Variants in QSOX2 observed in about 807,000 individuals in gnomAD.
The protein encoded by QSOX2 is quiescin sulfhydryl oxidase 2.
In QSOX2, 46 loss-of-function variants were observed where a neutral mutation model predicts 61.7. The observed-to-expected ratio is 0.75, with a 90% confidence interval of 0.59 to 0.95. The LOEUF is 0.95. Ranked by LOEUF, QSOX2 falls within the 40% of genes least tolerant of loss-of-function variation. The pLI is 0.00. For synonymous variants in QSOX2, 383 were observed against 388.4 expected (o/e 0.99, Z 0.16); for missense variants, 879 against 918.9 (o/e 0.96, Z 0.56).
rs980918805 is a variant in QSOX2, at chr9:136,207,225, C to G, written c.*1503G>C. On this transcript the variant is annotated 3_prime_UTR_variant, in exon 12 of 12. Coordinates refer to ENST00000358701, the MANE Select transcript of QSOX2 (RefSeq NM_181701.4). The stretch of plus-strand genomic sequence containing the variant: ...TCAGCTGTTGCCTTTTTTTCTCAAG[C>G]GACAACAATCACATCAATATTACAT... 1 of 152,162 alleles carries G rather than the reference C, an allele frequency of 6.6e-6. No homozygotes were observed. Among genetic ancestry groups the G allele is most frequent in the African/African-American group, 2.4e-5 (1 of 41,384 alleles). The allele number at this position is 152,162 out of a possible 1,614,324, so 9.4% of individuals were successfully genotyped here. A position where few individuals can be genotyped will look rare whatever the true frequency, so the allele number is the denominator to read the frequency against.
intron 11 of QSOX2, chr9:136,210,871 G>A (rs1319469766): frequency 1.8e-5 from 18 of 985,106 alleles, no homozygotes; most frequent in Non-Finnish European, 2.0e-5. Flanking sequence ...GAGAGGTTTG[G>A]TTTACGTTTG....
intron 1 of QSOX2, among the ~76,000 whole-genome samples, chr9:136,241,599 C>G (rs575962836): frequency 3.3e-4 from 51 of 152,320 alleles, no homozygotes; most frequent in African/African-American, 1.2e-3. Context: ...CTCCAGGTCA[C>G]CCACACCTGG....
intron 2 of QSOX2, among the ~76,000 whole-genome samples, chr9:136,226,156 C>T (rs1422006695): frequency 6.6e-6 from 1 of 152,250 alleles, no homozygotes; most frequent in Non-Finnish European, 1.5e-5. Context: ...ATTGACAAAG[C>T]TTCCCAGGAA....
Position 136,232,933 on chromosome 9 carries a change from A to G in QSOX2, c.329-6059T>C, listed in dbSNP as rs865923248. ...AACCTGTCTCAAAAAAAAAAAAAAA[A>G]AAAAAGAAAAAAGAAAAAAAAAGAA... On this transcript the variant is annotated intron_variant, in intron 1 of 11. Coordinates refer to ENST00000358701, the MANE Select transcript of QSOX2 (RefSeq NM_181701.4). Among the ~76,000 whole-genome samples, 12 of 149,194 alleles carry G rather than the reference A, an allele frequency of 8.0e-5. 1 individual carries two copies. The highest frequency in any genetic ancestry group is 1.2e-4 in the Non-Finnish European group (8 of 67,538).
chr9:136,215,282 T>C lies in QSOX2; in HGVS notation c.1232A>G (p.Asn411Ser). The C allele has an allele frequency of 6.2e-7, 1 of 1,613,390 alleles. No individual in the cohort carries two copies. The highest frequency in any genetic ancestry group is 8.5e-7 in the Non-Finnish European group (1 of 1,179,868). The change falls in exon 10 of 12, where the codon AAT (asparagine) becomes AGT (serine). Residue 411 changes from asparagine (N) to serine (S), a missense_variant. Coordinates refer to ENST00000358701, the MANE Select transcript of QSOX2 (RefSeq NM_181701.4). ...KMRISGIFLT[N>S]HIKWVGCQGS... ...TTGACATCCAACCCACTTTATGTGA[T>C]TAGTAAGGAATATTCCAGAAATCTG...
intron 1 of QSOX2, among the ~76,000 whole-genome samples, chr9:136,245,013 G>C (rs1358508820): frequency 6.6e-6 from 1 of 152,210 alleles, no homozygotes; most frequent in Admixed American, 6.5e-5. Context: ...GTGTGGAATA[G>C]GAATGAGGGA....
chr9:136,210,469 C>T (rs1831831348), intron 11 of QSOX2: 1 of 985,370 alleles, frequency 1.0e-6, no homozygotes, highest in Non-Finnish European at 1.2e-6. Flanking sequence ...GAGCCGAGGG[C>T]TCGGGGAAAG....
chr9:136,241,896 C>T lies in QSOX2; in HGVS notation c.328+3580G>A, dbSNP rs1193461552. 5.3e-5 allele frequency among the ~76,000 whole-genome samples: 8 copies of T among 152,362 alleles called. No individual in the cohort carries two copies. In the East Asian group the frequency reaches 5.8e-4, roughly 11 times the overall value. On this transcript the variant is annotated intron_variant, in intron 1 of 11. Transcript: ENST00000358701. ...GAACAGGCACCAGGGCCACAGAGGGCGCACGGGGACACAGGCCCTGCCTTT... is the reference window on the plus strand; with the variant it reads ...GAACAGGCACCAGGGCCACAGAGGGTGCACGGGGACACAGGCCCTGCCTTT...
chr9:136,211,405 C>T lies in QSOX2; in HGVS notation c.1408G>A (p.Val470Ile), dbSNP rs373864386. The change falls in exon 11 of 12, where the codon GTT becomes ATT. Residue 470 changes from valine to isoleucine, a missense_variant. Val to Ile is a conservative substitution (Grantham distance 29). Coordinates refer to ENST00000358701, the MANE Select transcript of QSOX2 (RefSeq NM_181701.4). ...TCCTTACACCCAAAGAAGGTGTGAACGTACCTCCTCATTGTCTGCAGCACA... is the reference window on the plus strand; with the variant it reads ...TCCTTACACCCAAAGAAGGTGTGAATGTACCTCCTCATTGTCTGCAGCACA... ...QAVLQTMRRYVHTFFGCKECG... is the reference protein window; with the variant it reads ...QAVLQTMRRYIHTFFGCKECG... 13 of 1,614,096 alleles carry T rather than the reference C, an allele frequency of 8.1e-6. No individual in the cohort carries two copies. The highest frequency in any genetic ancestry group is 6.7e-5 in the African/African-American group (5 of 74,940).
At position 136,215,140 on chromosome 9, in the gene QSOX2, T is replaced by G; in HGVS notation, c.1360+14A>C. 6.2e-7 allele frequency: 1 copy of G among 1,612,168 alleles called. No homozygotes were observed. Among genetic ancestry groups the G allele is most frequent in the Non-Finnish European group, 8.5e-7 (1 of 1,179,314 alleles). The stretch of plus-strand genomic sequence containing the variant: ...AGACCATCGGCCCCTCTGGCCTGTA[T>G]GGGCACAGCTTACCTGTGCCAACCA... On this transcript the variant is annotated intron_variant, in intron 10 of 11. Transcript: ENST00000358701.
Position 136,211,370 on chromosome 9 carries a change from C to T in QSOX2, c.1443G>A (p.Glu481=). Residue 481 remains glutamate (E), a synonymous_variant, in exon 11 of 12, where the codon GAG becomes GAA. Transcript: ENST00000358701. Reference sequence around the variant, plus strand: ...ATTCTTTAGCCATTTCCTCAAAGTGCTCACCACATTCCTTACACCCAAAGA... The same window carrying T: ...ATTCTTTAGCCATTTCCTCAAAGTGTTCACCACATTCCTTACACCCAAAGA... ...HTFFGCKECG[E]HFEEMAKESM... is the part of the protein sequence containing the mutation. 1 of 1,614,226 alleles carries T rather than the reference C, an allele frequency of 6.2e-7. No homozygotes were observed. Among genetic ancestry groups the T allele is most frequent in the Non-Finnish European group, 8.5e-7 (1 of 1,180,034 alleles).
chr9:136,218,897 A>G, intron 7 of QSOX2, 89 bp from the exon 8 acceptor site: 1 of 1,574,262 alleles, frequency 6.4e-7, no homozygotes. Flanking sequence ...ACGGACTCCC[A>G]GGGCCCCTGG....
At chr9:136,232,767 C>T (rs1830342545) in intron 1 of QSOX2, among the ~76,000 whole-genome samples, 1 of 151,742 alleles carries the variant, frequency 6.6e-6, no homozygotes, top group Non-Finnish European at 1.5e-5. Flanking sequence ...GTCCCTGTCT[C>T]TGCAAAAAAT....
At position 136,209,859 on chromosome 9, in the gene QSOX2, C is replaced by T. The variant is rs1281571672; in HGVS notation, c.1550-584G>A. 16 of 985,412 alleles carry T rather than the reference C, an allele frequency of 1.6e-5. No individual in the cohort carries two copies. Among genetic ancestry groups the T allele is most frequent in the Non-Finnish European group, 1.9e-5 (16 of 829,924 alleles). The allele number at this position is 985,412 out of a possible 1,614,324, so 61.0% of individuals were successfully genotyped here. ...ACAAATCCCTTCAAGATCTCCAAAA[C>T]TCGTTTCTGAAGTGACATGTGCTCA... On this transcript the variant is annotated intron_variant, in intron 11 of 11. Coordinates refer to ENST00000358701, the MANE Select transcript of QSOX2 (RefSeq NM_181701.4). This position sits in a 1 kb window ranked among gnomAD's most constrained non-coding sequence, Gnocchi z 5.6.
intron 10 of QSOX2, 34 bp from the exon 11 acceptor site, chr9:136,211,486 G>A (rs1831845271): frequency 1.9e-6 from 3 of 1,605,322 alleles, no homozygotes; most frequent in Non-Finnish European, 2.6e-6. Context: ...ACAACGGCAG[G>A]TGCGTGGGCA....
In QSOX2 at chr9:136,231,868, GC is replaced by G. The variant is rs372401335; in HGVS notation, c.329-4995del. 6.7e-3 allele frequency among the ~76,000 whole-genome samples: 1,015 copies of G among 151,300 alleles called. 17 individuals carry two copies. Among genetic ancestry groups the G allele is most frequent in the African/African-American group, 0.023 (956 of 40,976 alleles). On this transcript the variant is annotated intron_variant, in intron 1 of 11. Coordinates refer to ENST00000358701, the MANE Select transcript of QSOX2 (RefSeq NM_181701.4). ...AGAGGGAGAGCGAGCCTCAGGGCCG[GC>G]AATCCGCCCCCTCCACCCCCTCCAC... is the stretch of plus-strand genomic sequence containing the variant.
chr9:136,219,918 T>C (rs1485105710), intron 6 of QSOX2, among the ~76,000 whole-genome samples: 3 of 152,262 alleles, frequency 2.0e-5, no homozygotes, highest in African/African-American at 7.2e-5. Flanking sequence ...GCCCCAGGCC[T>C]GGAATGGGCC....
chr9:136,207,071 C>A lies in QSOX2; in HGVS notation c.*1657G>T, dbSNP rs1448105069. ...TTAAAAAGTGTGAAACCAGAAGCAA[C>A]TCTCGAGTGAGACACGAAGCAGCAG... On this transcript the variant is annotated 3_prime_UTR_variant, in exon 12 of 12. Transcript: ENST00000358701. The A allele has an allele frequency of 1.3e-5, 2 of 152,374 alleles. No homozygotes were observed. Among genetic ancestry groups the A allele is most frequent in the East Asian group, 3.7e-4 (2 of 5,340 alleles). The allele number at this position is 152,374 out of a possible 1,614,324, so 9.4% of individuals were successfully genotyped here.
intron 1 of QSOX2, among the ~76,000 whole-genome samples, chr9:136,239,882 G>T (rs1003943382): frequency 6.6e-6 from 1 of 152,240 alleles, no homozygotes; most frequent in East Asian, 1.9e-4. Flanking sequence ...GCAGATGGAC[G>T]GTATTCATGG....
Sources: allele counts gnomAD v4.1 joint callset (sites outside exome capture counted in the v4.1 genomes callset), GRCh38; gene constraint gnomAD v4.1.1; non-coding constraint Gnocchi (gnomAD v3.1); transcripts MANE v1.5; gene names NCBI Gene and HGNC (gene_info 2026-07-23, HGNC 2026-07-21).